SLC6A3: variants seen among roughly 807,000 people sequenced by gnomAD.
The protein encoded by SLC6A3 is sodium-dependent dopamine transporter.
SLC6A3 carries 19 observed loss-of-function variants against 70.4 expected under a neutral mutation model. That is an observed-to-expected ratio of 0.27 (90% confidence interval 0.19 to 0.40). The LOEUF is 0.40. Among genes scored for constraint, SLC6A3 ranks in the 10% least tolerant of loss-of-function variants. The pLI is 1.00. For synonymous variants in SLC6A3, 368 were observed against 356.6 expected (o/e 1.03, Z -0.36); for missense variants, 613 against 838.5 (o/e 0.73, Z 3.32).
Position 1,401,111 on chromosome 5 carries a change from A to AGCGGGTGGGC in SLC6A3, c.1768-126_1768-125insGCCCACCCGC. 1.3e-6 allele frequency: 1 copy of AGCGGGTGGGC among 747,596 alleles called. No homozygotes were observed. Among genetic ancestry groups the AGCGGGTGGGC allele is most frequent in the Non-Finnish European group, 2.4e-6 (1 of 420,622 alleles). 46.3% of individuals were successfully genotyped at this position (747,596 alleles called of 1,614,324 possible). A position where few individuals can be genotyped will look rare whatever the true frequency, so the allele number is the denominator to read the frequency against. ...TCACCACCAGCCCTCCTCACCTGCC[A>AGCGGGTGGGC]ATGCCCACCCGCTGGCATCCATATC... On this transcript the variant is annotated intron_variant, in intron 13 of 14. Transcript: ENST00000270349. The surrounding 1 kb of genome is among the most constrained non-coding windows in gnomAD (Gnocchi z 6.1).
chr5:1,424,396 C>A (rs1756532007), intron 4 of SLC6A3, among the ~76,000 whole-genome samples: 1 of 152,200 alleles, frequency 6.6e-6, no homozygotes, highest in African/African-American at 2.4e-5. Context: ...GCTCCCCCAG[C>A]AAGGTCTCAT....
chr5:1,394,590 G>C lies in SLC6A3; in HGVS notation c.*145C>G. ...AAAGGTGTAAACAGTCAGAAGAGAG[G>C]AGTCTTCTGCTTTGTTGTTTGTGTT... is the stretch of plus-strand genomic sequence containing the variant. On this transcript the variant is annotated 3_prime_UTR_variant, in exon 15 of 15. Coordinates refer to ENST00000270349, the MANE Select transcript of SLC6A3 (RefSeq NM_001044.5). This position sits in a 1 kb window ranked among gnomAD's most constrained non-coding sequence, Gnocchi z 4.7. 2 of 823,480 alleles carry C rather than the reference G, an allele frequency of 2.4e-6. No individual in the cohort carries two copies. The highest frequency in any genetic ancestry group is 4.3e-6 in the Non-Finnish European group (2 of 468,684). 51.0% of individuals were successfully genotyped at this position (823,480 alleles called of 1,614,324 possible).
At position 1,397,837 on chromosome 5, in the gene SLC6A3, C is replaced by A. The variant is rs1020771061; in HGVS notation, c.1839+3078G>T. Among the ~76,000 whole-genome samples, 4 of 152,120 alleles carry A rather than the reference C, an allele frequency of 2.6e-5. No homozygotes were observed. The highest frequency in any genetic ancestry group is 9.7e-5 in the African/African-American group (4 of 41,410). On this transcript the variant is annotated intron_variant, in intron 14 of 14. Transcript: ENST00000270349. This position sits in a 1 kb window ranked among gnomAD's most constrained non-coding sequence, Gnocchi z 4.7. ...TGGGAACCAACAAACACCAAGCATG[C>A]ACATTAGTCCAAGGAACATGATGAG...
intron 6 of SLC6A3, among the ~76,000 whole-genome samples, chr5:1,418,477 A>G (rs1008838013): frequency 6.6e-5 from 10 of 152,114 alleles, no homozygotes; most frequent in African/African-American, 2.4e-4. Flanking sequence ...TCATCTCTAT[A>G]ATCTATCAAC....
chr5:1,398,655 G>A (rs369949457), intron 14 of SLC6A3, among the ~76,000 whole-genome samples: 41 of 152,196 alleles, frequency 2.7e-4, no homozygotes, highest in East Asian at 9.6e-4. Flanking sequence ...AAAGTTGAAA[G>A]TTAACAGATT....
At position 1,437,264 on chromosome 5, in the gene SLC6A3, A is replaced by T. The variant is rs1358402842; in HGVS notation, c.418+4095T>A. On this transcript the variant is annotated intron_variant, in intron 3 of 14. Coordinates refer to ENST00000270349, the MANE Select transcript of SLC6A3 (RefSeq NM_001044.5). The surrounding 1 kb of genome is among the most constrained non-coding windows in gnomAD (Gnocchi z 4.8). ...GATTCCGTCTCACAAAAAAAAAAAA[A>T]AAGAAAAGAAAAGAAAAGAAAGAGG... 6.6e-6 allele frequency among the ~76,000 whole-genome samples: 1 copy of T among 151,442 alleles called. No individual in the cohort carries two copies. The highest frequency in any genetic ancestry group is 2.4e-5 in the African/African-American group (1 of 41,190).
In SLC6A3 at chr5:1,422,721, C is replaced by T. The variant is rs2735915; in HGVS notation, c.654-707G>A. Among the ~76,000 whole-genome samples, 104 of 71,774 alleles carry T rather than the reference C, an allele frequency of 1.4e-3. 12 individuals are homozygous for T. The East Asian group carries it at 0.054, about 37-fold the overall frequency. The allele number at this position is 71,774 out of a possible 152,430, so 47.1% of individuals were successfully genotyped here. ...CCACCACTGCCCACAGTGCTGCCCA[C>T]GGTGCTGGGTGCCCACCGCTGCCCA... On this transcript the variant is annotated intron_variant, in intron 4 of 14. Transcript: ENST00000270349.
intron 10 of SLC6A3, 113 bp from the exon 11 acceptor site, chr5:1,409,238 G>A: frequency 1.2e-6 from 1 of 819,002 alleles, no homozygotes; most frequent in Non-Finnish European, 2.1e-6. Context: ...ACTCTGGTTT[G>A]AGTCCCTAAA....
chr5:1,439,739 A>G (rs923772689), intron 3 of SLC6A3, among the ~76,000 whole-genome samples: 3 of 152,166 alleles, frequency 2.0e-5, no homozygotes, highest in Middle Eastern at 3.2e-3. Context: ...CTTAATGCCA[A>G]TTTTCTGAGT....
chr5:1,438,873 C>T lies in SLC6A3; in HGVS notation c.418+2486G>A, dbSNP rs1257328824. The stretch of plus-strand genomic sequence containing the variant: ...CAATGTCATCTTTCCTCAGTTTCCC[C>T]TACCCCAGTGGGCCGGCTTCATCTC... On this transcript the variant is annotated intron_variant, in intron 3 of 14. Transcript: ENST00000270349. The surrounding 1 kb of genome is among the most constrained non-coding windows in gnomAD (Gnocchi z 6.5). Among the ~76,000 whole-genome samples the T allele has an allele frequency of 6.6e-6, 1 of 152,224 alleles. No homozygotes were observed. The highest frequency in any genetic ancestry group is 2.4e-5 in the African/African-American group (1 of 41,460).
In SLC6A3 at chr5:1,394,353, C is replaced by A; in HGVS notation, c.*382G>T. On this transcript the variant is annotated 3_prime_UTR_variant, in exon 15 of 15. Transcript: ENST00000270349. The surrounding 1 kb of genome is among the most constrained non-coding windows in gnomAD (Gnocchi z 4.7). ...CGGGGATTCTCAGCAGGTGCGTCTA[C>A]AAGGATCGTGATCCCCGCCTGAGAA... 2.4e-6 allele frequency: 1 copy of A among 409,950 alleles called. No individual in the cohort carries two copies. The highest frequency in any genetic ancestry group is 4.5e-6 in the Non-Finnish European group (1 of 221,426). 25.4% of individuals were successfully genotyped at this position (409,950 alleles called of 1,614,324 possible).
intron 4 of SLC6A3, among the ~76,000 whole-genome samples, chr5:1,431,820 G>A (rs926434445): frequency 6.6e-5 from 10 of 152,184 alleles, no homozygotes; most frequent in African/African-American, 2.4e-4. Context: ...AGAGACCCAG[G>A]AGGCTGCTGG....
chr5:1,432,148 C>CCTT, intron 4 of SLC6A3, among the ~76,000 whole-genome samples: 1 of 152,286 alleles, frequency 6.6e-6, no homozygotes, highest in East Asian at 1.9e-4. Context: ...AGCTTGCCCA[C>CCTT]CTTCTGCACA....
chr5:1,399,310 G>A (rs115804091), intron 14 of SLC6A3, among the ~76,000 whole-genome samples: 1,870 of 152,220 alleles, frequency 0.012, 11 homozygotes, highest in East Asian at 0.023. Flanking sequence ...AAAAAAATAC[G>A]GAATGTAGCA....
Position 1,408,881 on chromosome 5 carries a change from C to T in SLC6A3, c.1498+145G>A. 1 of 700,360 alleles carries T rather than the reference C, an allele frequency of 1.4e-6. No homozygotes were observed. Among genetic ancestry groups the T allele is most frequent in the Non-Finnish European group, 2.6e-6 (1 of 386,192 alleles). The allele number at this position is 700,360 out of a possible 1,614,324, so 43.4% of individuals were successfully genotyped here. A position where few individuals can be genotyped will look rare whatever the true frequency, so the allele number is the denominator to read the frequency against. ...TCCCATCAAAGGGACCAGTGCCAAG[C>T]CTCTCCCCTCTGCGGAGCTGTGATG... On this transcript the variant is annotated intron_variant, in intron 11 of 14. Transcript: ENST00000270349. This position sits in a 1 kb window ranked among gnomAD's most constrained non-coding sequence, Gnocchi z 6.4.
At chr5:1,422,359 T>TACCCACC (rs1756458683) in intron 4 of SLC6A3, among the ~76,000 whole-genome samples, 1 of 151,332 alleles carries the variant, frequency 6.6e-6, no homozygotes, top group Admixed American at 6.6e-5. Flanking sequence ...CAATGCTGGG[T>TACCCACC]GCCCACCACT....
chr5:1,409,241 T>C lies in SLC6A3; in HGVS notation c.1399-116A>G, dbSNP rs535174431. On this transcript the variant is annotated intron_variant, in intron 10 of 14. Transcript: ENST00000270349. The stretch of plus-strand genomic sequence containing the variant: ...ACTCACTGCAAAACTCTGGTTTGAG[T>C]CCCTAAAATTCAACCCACATGCAGC... 10 of 789,908 alleles carry C rather than the reference T, an allele frequency of 1.3e-5. No individual in the cohort carries two copies. The South Asian group carries it at 1.4e-4, about 11-fold the overall frequency. The allele number at this position is 789,908 out of a possible 1,614,324, so 48.9% of individuals were successfully genotyped here. A position where few individuals can be genotyped will look rare whatever the true frequency, so the allele number is the denominator to read the frequency against.
At chr5:1,414,573 C>T in intron 8 of SLC6A3, 118 bp downstream of exon 8, 2 of 1,198,550 alleles carry the variant, frequency 1.7e-6, no homozygotes, top group Admixed American at 2.0e-5. Flanking sequence ...CAGCAACTCT[C>T]ACTGAAGTCG....
Position 1,441,433 on chromosome 5 carries a change from T to C in SLC6A3, c.344A>G (p.Tyr115Cys). The stretch of plus-strand genomic sequence containing the variant: ...GAACTGGCCGAGGGCCAGCTCCATG[T>C]AGAAAAGTGGCATCCCAGCAATGAC... ...FMVIAGMPLF[Y>C]MELALGQFNR... The change falls in exon 3 of 15, where the codon TAC (tyrosine) becomes TGC (cysteine). Residue 115 changes from tyrosine to cysteine, a missense_variant. Tyr to Cys is a radical substitution (Grantham distance 194). Around this residue, in one of 4 missense-constraint regions of SLC6A3, gnomAD observed 153 missense variants for 249.4 expected, o/e 0.61. Coordinates refer to ENST00000270349, the MANE Select transcript of SLC6A3 (RefSeq NM_001044.5). 1 of 1,614,190 alleles carries C rather than the reference T, an allele frequency of 6.2e-7. No individual in the cohort carries two copies. Among genetic ancestry groups the C allele is most frequent in the East Asian group, 2.2e-5 (1 of 44,880 alleles).
Sources: allele counts gnomAD v4.1 joint callset (sites outside exome capture counted in the v4.1 genomes callset), GRCh38; gene constraint gnomAD v4.1.1; regional missense constraint gnomAD v4.1.1; non-coding constraint Gnocchi (gnomAD v3.1); transcripts MANE v1.5; gene names NCBI Gene and HGNC (gene_info 2026-07-23, HGNC 2026-07-21).